MIR2052HG: variants seen among roughly 807,000 people sequenced by gnomAD.
MIR2052HG encodes MIR2052 host gene.
chr8:74,702,350 C>T (rs1035719536), intron 2 of MIR2052HG: 3 of 445,248 alleles, frequency 6.7e-6, no homozygotes, highest in East Asian at 7.1e-5. Context: ...GTACTTTGTA[C>T]CCTAACTCTC....
At chr8:74,681,684 C>G (rs892879189) in intron 2 of MIR2052HG, among the ~76,000 whole-genome samples, 4 of 151,878 alleles carry the variant, frequency 2.6e-5, no homozygotes, top group African/African-American at 7.3e-5. Context: ...CAAGTTTGGC[C>G]CCCGTTTGCT....
chr8:74,739,047 G>A (rs758225607), intron 4 of MIR2052HG, among the ~76,000 whole-genome samples: 1 of 152,134 alleles, frequency 6.6e-6, no homozygotes, highest in Non-Finnish European at 1.5e-5. Flanking sequence ...TTAAAGGGAG[G>A]GGATCAATAA....
At chr8:74,698,529 C>G (rs1314839692) in intron 2 of MIR2052HG, among the ~76,000 whole-genome samples, 1 of 152,172 alleles carries the variant, frequency 6.6e-6, no homozygotes, top group Non-Finnish European at 1.5e-5. Context: ...AACTAAAAAG[C>G]TTCTGCACAA....
chr8:74,707,956 A>G (rs921809015), intron 4 of MIR2052HG, among the ~76,000 whole-genome samples: 5 of 152,138 alleles, frequency 3.3e-5, no homozygotes, highest in African/African-American at 1.2e-4. Context: ...CAGTGAAAAG[A>G]ACTCTCCTTG....
chr8:74,754,834 C>G (rs932873296), intron 5 of MIR2052HG, among the ~76,000 whole-genome samples: 1 of 152,146 alleles, frequency 6.6e-6, no homozygotes, highest in Non-Finnish European at 1.5e-5. Context: ...TGCCTTTTGG[C>G]CACTGAAATT....
intron 2 of MIR2052HG, among the ~76,000 whole-genome samples, chr8:74,613,750 G>A (rs560540153): frequency 6.6e-6 from 1 of 152,188 alleles, no homozygotes; most frequent in Non-Finnish European, 1.5e-5. Flanking sequence ...GCCTCCCAAA[G>A]TGCTGAGATT....
intron 2 of MIR2052HG, among the ~76,000 whole-genome samples, chr8:74,644,252 C>T (rs73337286): frequency 0.022 from 3,368 of 152,240 alleles, 116 homozygotes; most frequent in African/African-American, 0.071. Context: ...CAATAACATA[C>T]GCGACAGTGG....
intron 4 of MIR2052HG, among the ~76,000 whole-genome samples, chr8:74,743,966 A>C (rs1406872134): frequency 6.6e-6 from 1 of 152,222 alleles, no homozygotes; most frequent in Admixed American, 6.6e-5. Context: ...ATACTAGAAC[A>C]ATCTGAAAAC....
intron 2 of MIR2052HG, among the ~76,000 whole-genome samples, chr8:74,664,603 C>T (rs1023808905): frequency 2.6e-5 from 4 of 152,078 alleles, no homozygotes; most frequent in African/African-American, 7.2e-5. Flanking sequence ...CTGCAACCTC[C>T]GCCCCCAGGG....
At chr8:74,619,810 TG>T (rs1428939681) in intron 2 of MIR2052HG, among the ~76,000 whole-genome samples, 1 of 152,204 alleles carries the variant, frequency 6.6e-6, no homozygotes, top group Non-Finnish European at 1.5e-5. Context: ...CTTTTTGCTC[TG>T]GCCCCTCCCA....
intron 4 of MIR2052HG, among the ~76,000 whole-genome samples, chr8:74,713,520 C>T (rs1809490625): frequency 6.6e-6 from 1 of 151,824 alleles, no homozygotes; most frequent in African/African-American, 2.4e-5. Flanking sequence ...CATTTCTTTC[C>T]TTTTCATTTG....
rs1417728704 is a variant in MIR2052HG, at chr8:74,623,412, T to G, written n.216+10472T>G. Among the ~76,000 whole-genome samples the G allele has an allele frequency of 5.3e-5, 8 of 152,166 alleles. No individual in the cohort carries two copies. The East Asian group carries it at 1.5e-3, about 29-fold the overall frequency. On this transcript the variant is annotated intron_variant and non_coding_transcript_variant, in intron 2 of 6. Coordinates refer to ENST00000523442, the Ensembl canonical transcript of MIR2052HG. The stretch of plus-strand genomic sequence containing the variant: ...GCAGTCAATGTAACAGAAGATGTAC[T>G]CATGTCACTGAAGTGTACACAGTGT...
chr8:74,699,365 G>A (rs560959418), intron 2 of MIR2052HG, among the ~76,000 whole-genome samples: 5 of 151,608 alleles, frequency 3.3e-5, no homozygotes, highest in Admixed American at 1.3e-4. Context: ...TCCCAAATGC[G>A]ATCAATGAGT....
chr8:74,606,160 G>T (rs1254060182), intron 1 of MIR2052HG, among the ~76,000 whole-genome samples: 1 of 152,202 alleles, frequency 6.6e-6, no homozygotes, highest in Non-Finnish European at 1.5e-5. Context: ...GGTGATAGAC[G>T]CGGGGCTTTG....
intron 4 of MIR2052HG, among the ~76,000 whole-genome samples, chr8:74,736,827 C>T (rs1307003061): frequency 6.6e-6 from 1 of 152,178 alleles, no homozygotes; most frequent in Admixed American, 6.6e-5. Flanking sequence ...TCAGGCCTGA[C>T]CACTGTCAGA....
intron 4 of MIR2052HG, among the ~76,000 whole-genome samples, chr8:74,736,450 T>A (rs1809745538): frequency 6.6e-6 from 1 of 152,058 alleles, no homozygotes; most frequent in Non-Finnish European, 1.5e-5. Context: ...AGGGAAAAAA[T>A]TTGTGCAAAG....
intron 4 of MIR2052HG, among the ~76,000 whole-genome samples, chr8:74,718,673 C>T (rs1165490733): frequency 1.3e-5 from 2 of 152,170 alleles, no homozygotes; most frequent in Admixed American, 1.3e-4. Flanking sequence ...AGACATAGTT[C>T]TGGAGGCTGC....
At chr8:74,696,887 A>C (rs1252340048) in intron 2 of MIR2052HG, among the ~76,000 whole-genome samples, 2 of 152,124 alleles carry the variant, frequency 1.3e-5, no homozygotes, top group Non-Finnish European at 2.9e-5. Context: ...ATTCTATCAG[A>C]CATTCAAAGA....
chr8:74,683,697 C>G (rs892174282), intron 2 of MIR2052HG, among the ~76,000 whole-genome samples: 2 of 151,948 alleles, frequency 1.3e-5, no homozygotes, highest in Non-Finnish European at 2.9e-5. Flanking sequence ...CCTTCTCTCC[C>G]CAGAGAAAAC....
Sources: allele counts gnomAD v4.1 joint callset (sites outside exome capture counted in the v4.1 genomes callset), GRCh38; gene constraint gnomAD v4.1.1; transcripts MANE v1.5; gene names NCBI Gene and HGNC (gene_info 2026-07-23, HGNC 2026-07-21).